TAF4B: variants seen among roughly 807,000 people sequenced by gnomAD.
The protein encoded by TAF4B is TATA-box binding protein associated factor 4b.
TAF4B carries 38 observed loss-of-function variants against 86.4 expected under a neutral mutation model. That is an observed-to-expected ratio of 0.44 (90% CI 0.34 to 0.58). TAF4B has a LOEUF of 0.58. Among genes scored for constraint, TAF4B ranks in the 20% least tolerant of loss-of-function variants. The probability of loss-of-function intolerance (pLI) is 0.02; values close to 1 mark genes in which losing one functional copy is unlikely to be tolerated. For missense variants in TAF4B, 988 were observed against 1,027.6 expected (o/e 0.96, Z 0.53); for synonymous variants, 388 against 391.2 (o/e 0.99, Z 0.10).
At chr18:26,276,299 T>C (rs1466639652) in intron 5 of TAF4B, among the ~76,000 whole-genome samples, 3 of 152,130 alleles carry the variant, frequency 2.0e-5, no homozygotes, top group African/African-American at 7.2e-5. Flanking sequence ...TTACATCCTC[T>C]TTCAGGTAAA....
At chr18:26,238,891 C>T (rs1335583983) in intron 1 of TAF4B, among the ~76,000 whole-genome samples, 1 of 152,184 alleles carries the variant, frequency 6.6e-6, no homozygotes. Context: ...TTTCCAGCTT[C>T]ATCCATGTCC....
chr18:26,263,006 A>G (rs2056191714), intron 1 of TAF4B, among the ~76,000 whole-genome samples: 1 of 152,136 alleles, frequency 6.6e-6, no homozygotes, highest in South Asian at 2.1e-4. Flanking sequence ...GCGGAAGTGC[A>G]GTGGCACCAT....
In TAF4B at chr18:26,253,496, A is replaced by C. The variant is rs562686744; in HGVS notation, c.344-11674A>C. On this transcript the variant is annotated intron_variant, in intron 1 of 14. Transcript: ENST00000269142. ...TCAGTTTGCTAGTACTTGGTCAAGA[A>C]TTTTTGTGTCTATATCCATAAGGGA... Among the ~76,000 whole-genome samples, 364 of 152,274 alleles carry C rather than the reference A, an allele frequency of 2.4e-3. 1 individual carries two copies. Among genetic ancestry groups the C allele is most frequent in the Non-Finnish European group, 3.7e-3 (254 of 68,008 alleles).
intron 9 of TAF4B, among the ~76,000 whole-genome samples, chr18:26,303,312 T>TA (rs2056760024): frequency 7.4e-6 from 1 of 134,388 alleles, no homozygotes; most frequent in African/African-American, 2.8e-5. Context: ...TCCACTGTCA[T>TA]CCTCCCTCCA....
At chr18:26,252,010 A>G (rs1243126146) in intron 1 of TAF4B, among the ~76,000 whole-genome samples, 2 of 152,200 alleles carry the variant, frequency 1.3e-5, no homozygotes. Context: ...CCTGCTCAAA[A>G]ATTCAAAAAT....
At chr18:26,274,893 A>G in intron 4 of TAF4B, 38 bp from the exon 5 acceptor site, 13 of 1,612,570 alleles carry the variant, frequency 8.1e-6, no homozygotes, top group Non-Finnish European at 1.1e-5. Context: ...TTGCTCACTA[A>G]CACTTGTGTT....
chr18:26,331,106 C>T (rs1475045486), intron 12 of TAF4B, among the ~76,000 whole-genome samples: 3 of 152,170 alleles, frequency 2.0e-5, no homozygotes, highest in Admixed American at 2.0e-4. Context: ...GTCCCAGTCC[C>T]CACATTGACA....
chr18:26,304,683 G>A (rs2056776309), intron 9 of TAF4B: 5 of 981,118 alleles, frequency 5.1e-6, no homozygotes, highest in Non-Finnish European at 6.1e-6. Flanking sequence ...TCAAGAACTA[G>A]TGCTAGCCAC....
intron 12 of TAF4B, among the ~76,000 whole-genome samples, chr18:26,332,730 A>G (rs529481257): frequency 1.3e-5 from 2 of 152,140 alleles, no homozygotes; most frequent in East Asian, 3.9e-4. Flanking sequence ...GGGTTTCACC[A>G]TGTTGGCCAG....
intron 9 of TAF4B, chr18:26,295,137 T>G (rs1291125798): frequency 3.9e-6 from 1 of 257,828 alleles, no homozygotes; most frequent in Non-Finnish European, 7.6e-6. Flanking sequence ...CAATATAATA[T>G]TTGTATAAAA....
chr18:26,331,809 T>C (rs1462250083), intron 12 of TAF4B, among the ~76,000 whole-genome samples: 1 of 152,240 alleles, frequency 6.6e-6, no homozygotes, highest in East Asian at 1.9e-4. Context: ...CTTTTCCTTC[T>C]ACAGTCCATT....
intron 10 of TAF4B, among the ~76,000 whole-genome samples, chr18:26,316,247 G>A (rs1036020929): frequency 6.6e-6 from 1 of 152,056 alleles, no homozygotes; most frequent in Admixed American, 6.6e-5. Context: ...TGAAGGTTTC[G>A]ATTTTTATAG....
In TAF4B at chr18:26,390,827, T is replaced by G. The variant is rs1433640328; in HGVS notation, c.*815T>G. ...AGAGGGGAAGAGGTGGAATCGGAAC[T>G]CCAAAACAACTGGTACATGTTTTGT... is the stretch of plus-strand genomic sequence containing the variant. On this transcript the variant is annotated 3_prime_UTR_variant, in exon 15 of 15. Transcript: ENST00000269142. 1 of 152,130 alleles carries G rather than the reference T, an allele frequency of 6.6e-6. No individual in the cohort carries two copies. Among genetic ancestry groups the G allele is most frequent in the Non-Finnish European group, 1.5e-5 (1 of 68,016 alleles). 9.4% of individuals were successfully genotyped at this position (152,130 alleles called of 1,614,324 possible). A position where few individuals can be genotyped will look rare whatever the true frequency, so the allele number is the denominator to read the frequency against.
chr18:26,312,712 C>A (rs553658167), intron 9 of TAF4B, among the ~76,000 whole-genome samples: 1 of 152,028 alleles, frequency 6.6e-6, no homozygotes. Context: ...TTTCCAGGGG[C>A]CTGTGTACCT....
chr18:26,332,741 G>A (rs2144694144), intron 12 of TAF4B, among the ~76,000 whole-genome samples: 1 of 152,168 alleles, frequency 6.6e-6, no homozygotes, highest in African/African-American at 2.4e-5. Flanking sequence ...TGTTGGCCAG[G>A]GTGGTCTCGA....
chr18:26,383,897 G>C (rs1465731914), intron 14 of TAF4B, among the ~76,000 whole-genome samples: 2 of 152,148 alleles, frequency 1.3e-5, no homozygotes, highest in African/African-American at 2.4e-5. Flanking sequence ...AGTGAATTTT[G>C]AAGCTCAGTA....
At chr18:26,351,347 A>T (rs1256346726) in intron 13 of TAF4B, among the ~76,000 whole-genome samples, 1 of 152,142 alleles carries the variant, frequency 6.6e-6, no homozygotes, top group East Asian at 1.9e-4. Flanking sequence ...GAGAACAGAG[A>T]ATAGTAGAGG....
chr18:26,335,225 CA>C lies in TAF4B; in HGVS notation c.2313del (p.Glu772SerfsTer31), dbSNP rs1258853494. On this transcript the variant is annotated frameshift_variant, in exon 13 of 15. Coordinates refer to ENST00000269142, the MANE Select transcript of TAF4B (RefSeq NM_005640.3). LOFTEE classifies it high-confidence loss of function. ...PEQLRLKQKA[K>X]ELQQLELAQI... ...AACAGCTGAGATTAAAGCAGAAAGC[CA>C]AAGAGGTAGGACTTTCAAGTTACCA... The C allele has an allele frequency of 6.2e-7, 1 of 1,613,054 alleles. No individual in the cohort carries two copies. The highest frequency in any genetic ancestry group is 8.5e-7 in the Non-Finnish European group (1 of 1,179,332).
chr18:26,324,766 G>T (rs2056991094), intron 11 of TAF4B, among the ~76,000 whole-genome samples: 1 of 152,028 alleles, frequency 6.6e-6, no homozygotes, highest in Non-Finnish European at 1.5e-5. Context: ...GTCTACATTT[G>T]CGTATATATA....
Sources: allele counts gnomAD v4.1 joint callset (sites outside exome capture counted in the v4.1 genomes callset), GRCh38; gene constraint gnomAD v4.1.1; transcripts MANE v1.5; gene names NCBI Gene and HGNC (gene_info 2026-07-23, HGNC 2026-07-21).